The following FRAS1 variants were observed in gnomAD, a reference collection of about 807,000 sequenced individuals.
FRAS1 encodes Fraser extracellular matrix complex subunit 1.
FRAS1 carries 290 observed loss-of-function variants against 435.2 expected under a neutral mutation model. The observed-to-expected ratio is 0.67, with a 90% CI of 0.61 to 0.73. The LOEUF is 0.73. FRAS1 is among the 30% of genes least tolerant of loss of function. The pLI, the probability that FRAS1 is intolerant of heterozygous loss-of-function variation, is 0.00. For missense variants in FRAS1, 4,860 were observed against 5,001.5 expected (o/e 0.97, Z 0.85); for synonymous variants, 1,800 against 1,851.0 (o/e 0.97, Z 0.71).
At chr4:78,441,481 C>T (rs1464671213) in intron 41 of FRAS1, among the ~76,000 whole-genome samples, 184 bp downstream of exon 41, 2 of 152,220 alleles carry the variant, frequency 1.3e-5, no homozygotes, top group East Asian at 1.9e-4. Context: ...TTTCTGTGTG[C>T]GGGGAACTTA....
chr4:78,105,497 G>C (rs1477584908), intron 2 of FRAS1, among the ~76,000 whole-genome samples: 1 of 152,120 alleles, frequency 6.6e-6, no homozygotes, highest in Non-Finnish European at 1.5e-5. Flanking sequence ...AAAGGGCCAG[G>C]GGAGGATATG....
At chr4:78,226,592 C>T (rs1262858448) in intron 2 of FRAS1, among the ~76,000 whole-genome samples, 1 of 151,352 alleles carries the variant, frequency 6.6e-6, no homozygotes, top group Non-Finnish European at 1.5e-5. Flanking sequence ...AATTTCCTAC[C>T]CCTCTGTGGC....
At chr4:78,533,882 CT>C (rs1277293249) in intron 70 of FRAS1, among the ~76,000 whole-genome samples, 2 of 152,120 alleles carry the variant, frequency 1.3e-5, no homozygotes, top group Non-Finnish European at 2.9e-5. Flanking sequence ...CTGAGATCAT[CT>C]TGGGTGAAGT....
At chr4:78,275,161 T>G (rs1030532206) in intron 9 of FRAS1, among the ~76,000 whole-genome samples, 10 of 152,224 alleles carry the variant, frequency 6.6e-5, no homozygotes, top group African/African-American at 2.4e-4. Context: ...GTTTTCCATT[T>G]GCTTGGTAGA....
intron 20 of FRAS1, among the ~76,000 whole-genome samples, chr4:78,355,608 G>A (rs1287388361): frequency 6.6e-6 from 1 of 152,230 alleles, no homozygotes; most frequent in Non-Finnish European, 1.5e-5. Flanking sequence ...TTACTGCACA[G>A]ATGGGGCTTT....
intron 14 of FRAS1, among the ~76,000 whole-genome samples, chr4:78,298,938 TAA>T (rs1355824976): frequency 6.6e-6 from 1 of 152,168 alleles, no homozygotes; most frequent in African/African-American, 2.4e-5. Flanking sequence ...ATAAATATGA[TAA>T]GAGAGGCATA....
At chr4:78,425,084 C>T (rs1427671799) in intron 35 of FRAS1, among the ~76,000 whole-genome samples, 1 of 146,010 alleles carries the variant, frequency 6.8e-6, no homozygotes, top group Non-Finnish European at 1.5e-5. Context: ...GCCTGAATGC[C>T]TCATTCTTAA....
Position 78,470,576 on chromosome 4 carries a change from G to GA in FRAS1, c.7371+493dup, listed in dbSNP as rs562137095. ...AACTGTGGCTCAAAAATGTTTGAAG[G>GA]AAAAAAAATAAGAAATAATACAAAT... On this transcript the variant is annotated intron_variant, in intron 51 of 73. Coordinates refer to ENST00000512123, the MANE Select transcript of FRAS1 (RefSeq NM_025074.7). 5.9e-5 allele frequency among the ~76,000 whole-genome samples: 9 copies of GA among 151,522 alleles called. No individual in the cohort carries two copies. The East Asian group carries it at 1.5e-3, about 26-fold the overall frequency.
chr4:78,222,975 C>T (rs894137686), intron 2 of FRAS1, among the ~76,000 whole-genome samples: 2 of 152,284 alleles, frequency 1.3e-5, no homozygotes, highest in South Asian at 4.1e-4. Flanking sequence ...CTGGATTTAA[C>T]AATGAACCCT....
chr4:78,175,291 C>G (rs970880471), intron 2 of FRAS1, among the ~76,000 whole-genome samples: 11 of 152,188 alleles, frequency 7.2e-5, no homozygotes, highest in African/African-American at 2.7e-4. Flanking sequence ...TGTCTAATTG[C>G]TTTTACTGTT....
At chr4:78,532,153 G>C (rs1721735063) in intron 70 of FRAS1, among the ~76,000 whole-genome samples, 1 of 152,156 alleles carries the variant, frequency 6.6e-6, no homozygotes, top group African/African-American at 2.4e-5. Flanking sequence ...ATGGGATCTG[G>C]TCCCAAGTTA....
At chr4:78,476,361 G>A (rs941508905) in intron 54 of FRAS1, among the ~76,000 whole-genome samples, 24 of 152,254 alleles carry the variant, frequency 1.6e-4, no homozygotes, top group Admixed American at 1.6e-3. Context: ...AAAGGAGAGA[G>A]TGAAAGTGGA....
intron 2 of FRAS1, among the ~76,000 whole-genome samples, chr4:78,116,179 C>A (rs56299187): frequency 0.28 from 42,761 of 151,986 alleles, 6,350 homozygotes; most frequent in African/African-American, 0.36. Flanking sequence ...GTTTGATTGC[C>A]CTGTGGTCTG....
chr4:78,384,303 G>A (rs552553553), intron 28 of FRAS1, among the ~76,000 whole-genome samples, 160 bp downstream of exon 28: 1 of 152,208 alleles, frequency 6.6e-6, no homozygotes, highest in Non-Finnish European at 1.5e-5. Flanking sequence ...GGACTTCTGG[G>A]TAATAACAAC....
intron 14 of FRAS1, among the ~76,000 whole-genome samples, chr4:78,293,215 A>G (rs1727981227): frequency 6.6e-6 from 1 of 152,226 alleles, no homozygotes; most frequent in Admixed American, 6.5e-5. Context: ...TCAGTGCTAT[A>G]AAGATACCTT....
At chr4:78,310,050 T>C (rs182174498) in intron 15 of FRAS1, among the ~76,000 whole-genome samples, 4 of 152,290 alleles carry the variant, frequency 2.6e-5, no homozygotes, top group Admixed American at 2.6e-4. Flanking sequence ...TGTGCAGGGA[T>C]CCATCAGTAT....
intron 58 of FRAS1, among the ~76,000 whole-genome samples, chr4:78,483,683 A>C (rs1463834893): frequency 6.7e-6 from 1 of 149,794 alleles, no homozygotes; most frequent in African/African-American, 2.4e-5. Context: ...TTCTACCCCT[A>C]TCTCCCAGTC....
At chr4:78,479,763 C>G (rs769597040) in intron 56 of FRAS1, 45 bp downstream of exon 56, 4 of 1,418,584 alleles carry the variant, frequency 2.8e-6, no homozygotes, top group Non-Finnish European at 3.8e-6. Flanking sequence ...TCTCCTGATT[C>G]CTTTCTTGAG....
intron 6 of FRAS1, among the ~76,000 whole-genome samples, chr4:78,257,420 ATACAT>A (rs1191166470): frequency 6.6e-6 from 1 of 152,208 alleles, no homozygotes; most frequent in African/African-American, 2.4e-5. Context: ...AGAATGTTAT[ATACAT>A]TACATCATTA....
Sources: allele counts gnomAD v4.1 joint callset (sites outside exome capture counted in the v4.1 genomes callset), GRCh38; gene constraint gnomAD v4.1.1; transcripts MANE v1.5; gene names NCBI Gene and HGNC (gene_info 2026-07-23, HGNC 2026-07-21).